The following PCDH11Y variants were observed in gnomAD, a reference collection of about 807,000 sequenced individuals.
PCDH11Y encodes the protein protocadherin-11 Y-linked.
For missense variants in PCDH11Y, 12 were observed against 224.8 expected (o/e 0.05, Z 6.05); for synonymous variants, 9 against 83.6 (o/e 0.11, Z 4.87).
At chrY:5,247,226 C>G (rs1602893011) in intron 2 of PCDH11Y, among the ~76,000 whole-genome samples, 2 of 32,716 alleles carry the variant, frequency 6.1e-5, no homozygotes, top group Non-Finnish European at 1.5e-4. Context: ...GAACTCAGCC[C>G]TGGATTGAGT....
At chrY:5,595,442 T>C (rs2124698944) in intron 4 of PCDH11Y, among the ~76,000 whole-genome samples, 2 of 33,322 alleles carry the variant, frequency 6.0e-5, no homozygotes, top group South Asian at 1.3e-3. Context: ...TTTCCATTAT[T>C]TTTTTTCTAG....
chrY:5,015,796 C>G, intron 1 of PCDH11Y, among the ~76,000 whole-genome samples: 1 of 30,193 alleles, frequency 3.3e-5, no homozygotes, highest in Non-Finnish European at 8.0e-5. Context: ...GCTTGTAGCT[C>G]CTATAATTCC....
chrY:5,050,138 A>G, intron 3 of PCDH11Y, among the ~76,000 whole-genome samples: 1 of 33,145 alleles, frequency 3.0e-5, no homozygotes, highest in Non-Finnish European at 7.4e-5. Flanking sequence ...TTGCTATGTC[A>G]TTTTTCCTTA....
intron 2 of PCDH11Y, among the ~76,000 whole-genome samples, chrY:5,396,834 G>C: frequency 3.1e-5 from 1 of 31,916 alleles, no homozygotes; most frequent in African/African-American, 1.2e-4. Flanking sequence ...TCAGCTCACT[G>C]TAACCTGTGC....
intron 2 of PCDH11Y, among the ~76,000 whole-genome samples, chrY:5,472,409 G>A: frequency 3.2e-5 from 1 of 31,514 alleles, no homozygotes; most frequent in Non-Finnish European, 7.8e-5. Context: ...TTCTTAAAAT[G>A]GCCTGTGTTG....
intron 2 of PCDH11Y, among the ~76,000 whole-genome samples, chrY:5,423,626 TACA>T (rs2053260303): frequency 3.0e-5 from 1 of 33,423 alleles, no homozygotes; most frequent in Admixed American, 2.8e-4. Flanking sequence ...TGCAATATGC[TACA>T]ACATGAATGA....
At chrY:5,078,784 A>G in intron 1 of PCDH11Y, among the ~76,000 whole-genome samples, 1 of 32,885 alleles carries the variant, frequency 3.0e-5, no homozygotes, top group Non-Finnish European at 7.5e-5. Context: ...CAGTGAAACC[A>G]TATTTTTCTG....
chrY:5,380,869 G>A (rs1602915685), intron 2 of PCDH11Y, among the ~76,000 whole-genome samples: 1 of 31,001 alleles, frequency 3.2e-5, no homozygotes, highest in South Asian at 7.8e-4. Flanking sequence ...GATTACAGGC[G>A]TGAGCCACCG....
At chrY:5,486,710 T>C (rs28538067) in intron 2 of PCDH11Y, among the ~76,000 whole-genome samples, 4 of 8,232 alleles carry the variant, frequency 4.9e-4, no homozygotes, top group Non-Finnish European at 5.9e-4. Flanking sequence ...TATATACACA[T>C]ATATATATAT....
chrY:5,110,829 T>G, intron 2 of PCDH11Y, among the ~76,000 whole-genome samples: 1 of 32,980 alleles, frequency 3.0e-5, no homozygotes, highest in East Asian at 8.0e-4. Context: ...TGACACAAAC[T>G]TGAAGTAACT....
intron 2 of PCDH11Y, among the ~76,000 whole-genome samples, chrY:5,195,023 G>A (rs2052917259): frequency 6.1e-5 from 2 of 33,023 alleles, no homozygotes; most frequent in Admixed American, 5.6e-4. Context: ...TGATTGGTGC[G>A]TTTACAAACC....
chrY:5,315,302 T>G, intron 2 of PCDH11Y, among the ~76,000 whole-genome samples: 3 of 32,793 alleles, frequency 9.1e-5, no homozygotes, highest in Admixed American at 8.5e-4. Flanking sequence ...GCTAATGCAT[T>G]TGTATAAACA....
chrY:5,096,434 T>C, intron 1 of PCDH11Y, among the ~76,000 whole-genome samples: 1 of 22,152 alleles, frequency 4.5e-5, no homozygotes, highest in Non-Finnish European at 1.0e-4. Context: ...ATTATTTAGA[T>C]GTACGTGTGT....
At chrY:5,372,590 T>C in intron 2 of PCDH11Y, among the ~76,000 whole-genome samples, 6 of 31,146 alleles carry the variant, frequency 1.9e-4, no homozygotes, top group Admixed American at 2.9e-4. Flanking sequence ...CAAAGGCAGG[T>C]AGACAACTTT....
At chrY:5,385,761 T>C (rs1167212446) in intron 2 of PCDH11Y, among the ~76,000 whole-genome samples, 12 of 33,791 alleles carry the variant, frequency 3.6e-4, no homozygotes, top group Non-Finnish European at 6.6e-4. Flanking sequence ...TGATCATTAG[T>C]GCTGTTGATC....
At chrY:5,675,855 T>G in intron 4 of PCDH11Y, among the ~76,000 whole-genome samples, 1 of 33,366 alleles carries the variant, frequency 3.0e-5, no homozygotes, top group South Asian at 6.8e-4. Flanking sequence ...TTTCACAGGC[T>G]GGAATTTAGT....
chrY:5,553,671 CATGAGATCTG>C (rs2053420965), intron 3 of PCDH11Y, among the ~76,000 whole-genome samples: 4 of 30,991 alleles, frequency 1.3e-4, no homozygotes, highest in African/African-American at 5.1e-4. Flanking sequence ...GGGTAAGTCT[CATGAGATCTG>C]ATGGTTTTAA....
chrY:5,083,513 TG>T (rs2052724656), intron 1 of PCDH11Y, among the ~76,000 whole-genome samples: 1 of 31,448 alleles, frequency 3.2e-5, no homozygotes, highest in Non-Finnish European at 7.8e-5. Context: ...TGGGTAATGT[TG>T]GTCTCATAGA....
At chrY:5,247,812 T>C in intron 2 of PCDH11Y, among the ~76,000 whole-genome samples, 1 of 29,729 alleles carries the variant, frequency 3.4e-5, no homozygotes, top group African/African-American at 1.3e-4. Context: ...AAAAAAAAAA[T>C]TAACAAAATA....
Sources: allele counts gnomAD v4.1 joint callset (sites outside exome capture counted in the v4.1 genomes callset), GRCh38; gene constraint gnomAD v4.1.1; transcripts MANE v1.5; gene names NCBI Gene and HGNC (gene_info 2026-07-23, HGNC 2026-07-21).